The following LANCL2 variants were observed in gnomAD, a reference collection of about 807,000 sequenced individuals.
LANCL2 encodes the protein lanC-like protein 2.
Under a neutral mutation model 56.9 loss-of-function variants are expected in LANCL2, and 33 were observed. The ratio of observed to expected loss-of-function variants is 0.58; its 90% CI spans 0.44 to 0.78. LANCL2 has a LOEUF of 0.78. LANCL2 is among the 30% of genes least tolerant of loss of function. The pLI is 0.00. For missense variants in LANCL2, 562 were observed against 580.2 expected (o/e 0.97, Z 0.32); for synonymous variants, 233 against 228.2 (o/e 1.02, Z -0.19).
intron 2 of LANCL2, chr7:55,397,048 A>G (rs146344266): frequency 6.6e-6 from 1 of 152,312 alleles, no homozygotes; most frequent in East Asian, 1.9e-4. Context: ...CAACATCTTT[A>G]AAGAAATGGA....
chr7:55,420,694 A>G (rs1343316678), intron 6 of LANCL2, among the ~76,000 whole-genome samples: 2 of 152,266 alleles, frequency 1.3e-5, no homozygotes, highest in East Asian at 3.8e-4. Context: ...GCACAAAAGC[A>G]GCCACAGCCA....
intron 5 of LANCL2, among the ~76,000 whole-genome samples, chr7:55,401,878 G>C (rs59774424): frequency 0.36 from 42,236 of 116,062 alleles, 6,971 homozygotes; most frequent in East Asian, 0.52. Flanking sequence ...AGATCAACAG[G>C]ATCCCAAGGC....
intron 1 of LANCL2, among the ~76,000 whole-genome samples, chr7:55,386,365 T>A (rs892267257): frequency 6.6e-6 from 1 of 152,194 alleles, no homozygotes; most frequent in African/African-American, 2.4e-5. Context: ...AAATGTCCAT[T>A]AAATCTTCAC....
intron 1 of LANCL2, among the ~76,000 whole-genome samples, chr7:55,386,442 A>G (rs1790127135): frequency 6.6e-6 from 1 of 152,204 alleles, no homozygotes; most frequent in Non-Finnish European, 1.5e-5. Flanking sequence ...TTCCCGCAAC[A>G]TGACTGTATG....
At chr7:55,399,214 G>A (rs543155261) in intron 3 of LANCL2, among the ~76,000 whole-genome samples, 12 of 151,762 alleles carry the variant, frequency 7.9e-5, no homozygotes, top group Non-Finnish European at 1.5e-4. Flanking sequence ...TCAAGGCTGC[G>A]GTGAGCCATC....
At chr7:55,405,727 G>A (rs533046626) in intron 5 of LANCL2, among the ~76,000 whole-genome samples, 1 of 152,026 alleles carries the variant, frequency 6.6e-6, no homozygotes, top group African/African-American at 2.4e-5. Flanking sequence ...TGTCTTTCAT[G>A]TGTTTAGGCT....
At chr7:55,410,083 A>G (rs1398700541) in intron 5 of LANCL2, among the ~76,000 whole-genome samples, 3 of 152,246 alleles carry the variant, frequency 2.0e-5, no homozygotes, top group Non-Finnish European at 1.5e-5. Flanking sequence ...GGGCACAGCC[A>G]TGCATGGATT....
intron 5 of LANCL2, among the ~76,000 whole-genome samples, chr7:55,410,681 A>G (rs150192683): frequency 2.0e-5 from 3 of 152,342 alleles, no homozygotes; most frequent in Non-Finnish European, 4.4e-5. Context: ...ATGTGGTGCT[A>G]ACATGTCACT....
intron 1 of LANCL2, among the ~76,000 whole-genome samples, chr7:55,389,779 A>G (rs544544620): frequency 6.6e-6 from 1 of 152,336 alleles, no homozygotes; most frequent in South Asian, 2.1e-4. Context: ...GTGCTTTTTT[A>G]TAAAAGGGGA....
rs568407838 is a variant in LANCL2 at position 55,390,106 on chromosome 7, T to C, written c.205-1687T>C. Reference sequence around the variant, plus strand: ...TAATTGTGCAGAAACCTAAAAGTATTTTCTTTACAATCTCACGGAAGAACA... The same window carrying C: ...TAATTGTGCAGAAACCTAAAAGTATCTTCTTTACAATCTCACGGAAGAACA... On this transcript the variant is annotated intron_variant, in intron 1 of 8. Coordinates refer to ENST00000254770, the MANE Select transcript of LANCL2 (RefSeq NM_018697.4). 1.3e-3 allele frequency among the ~76,000 whole-genome samples: 200 copies of C among 152,332 alleles called. 2 individuals carry two copies. Among genetic ancestry groups the C allele is most frequent in the Non-Finnish European group, 1.8e-3 (125 of 68,040 alleles).
intron 5 of LANCL2, among the ~76,000 whole-genome samples, chr7:55,404,310 T>C (rs541584450): frequency 7.9e-5 from 12 of 152,238 alleles, no homozygotes; most frequent in African/African-American, 2.2e-4. Context: ...TCCTCCTCCT[T>C]CTTTCTTCTT....
chr7:55,402,242 C>T (rs1317925458), intron 5 of LANCL2, among the ~76,000 whole-genome samples: 32 of 134,284 alleles, frequency 2.4e-4, no homozygotes, highest in African/African-American at 6.7e-4. Flanking sequence ...GCTGGCCGGG[C>T]GGGGGGCTGA....
chr7:55,408,871 A>G (rs1231738265), intron 5 of LANCL2, among the ~76,000 whole-genome samples: 4 of 132,808 alleles, frequency 3.0e-5, no homozygotes, highest in African/African-American at 1.1e-4. Context: ...AGTCCCAGCT[A>G]CTCGGGAGGC....
At chr7:55,396,117 G>A (rs1314413063) in intron 2 of LANCL2, among the ~76,000 whole-genome samples, 1 of 152,220 alleles carries the variant, frequency 6.6e-6, no homozygotes, top group African/African-American at 2.4e-5. Context: ...GCAGTTTGTT[G>A]TTGACCTAAA....
In LANCL2 at chr7:55,398,546, G is replaced by T. The variant is rs568275084; in HGVS notation, c.446G>T (p.Cys149Phe). The T allele has an allele frequency of 3.1e-6, 5 of 1,614,210 alleles. No individual in the cohort carries two copies. The highest frequency in any genetic ancestry group is 2.2e-5 in the South Asian group (2 of 91,084). The change falls in exon 3 of 9, where the codon TGT (cysteine) becomes TTT (phenylalanine). Residue 149 changes from cysteine (C) to phenylalanine (F), a missense_variant. Transcript: ENST00000254770. ...NLNGRRVTFL[C>F]GDAGPLAVGA... ...AATGGCCGCAGGGTCACCTTCCTCT[G>T]TGGGGATGCTGGCCCCCTGGCTGTT... is the stretch of plus-strand genomic sequence containing the variant.
chr7:55,428,475 A>G, intron 8 of LANCL2, 28 bp downstream of exon 8: 1 of 1,599,308 alleles, frequency 6.3e-7, no homozygotes, highest in Non-Finnish European at 8.6e-7. Flanking sequence ...GCTATAGATT[A>G]AATGTTTGGG....
intron 1 of LANCL2, 78 bp downstream of exon 1, chr7:55,366,307 C>T (rs765895707): frequency 1.0e-5 from 13 of 1,264,836 alleles, no homozygotes; most frequent in Admixed American, 6.6e-5. Context: ...CCAGGCGTGA[C>T]GTCACAGGCG....
chr7:55,412,016 A>G lies in LANCL2; in HGVS notation c.935A>G (p.Asn312Ser), dbSNP rs139929497. Reference protein sequence around the residue: ...RSGNYPSSLSNETDRLVHWCH... With the variant: ...RSGNYPSSLSSETDRLVHWCH... ...GGGAATTACCCATCATCATTAAGCA[A>G]TGAAACAGACCGGCTGGTGCACTGG... Residue 312 changes from asparagine (N) to serine (S), a missense_variant, in exon 6 of 9, where the codon AAT (asparagine) becomes AGT (serine). Physicochemically the swap from Asn to Ser is conservative, Grantham distance 46. Around this residue, in one of 2 missense-constraint regions of LANCL2, gnomAD observed 378 missense variants for 468.4 expected, o/e 0.81. Transcript: ENST00000254770. 2.3e-5 allele frequency: 37 copies of G among 1,614,252 alleles called. No individual in the cohort carries two copies. The highest frequency in any genetic ancestry group is 2.2e-4 in the Admixed American group (13 of 60,022).
At chr7:55,375,580 G>A (rs1789991547) in intron 1 of LANCL2, among the ~76,000 whole-genome samples, 1 of 152,178 alleles carries the variant, frequency 6.6e-6, no homozygotes, top group African/African-American at 2.4e-5. Flanking sequence ...TAAGAAAGTT[G>A]TATTTTTCCG....
Sources: gnomAD v4.1 joint callset for allele counts (sites outside exome capture counted in the v4.1 genomes callset) on GRCh38, gnomAD v4.1.1 for gene constraint, gnomAD v4.1.1 regional missense constraint, MANE v1.5 for transcripts, NCBI Gene and HGNC (gene_info 2026-07-23, HGNC 2026-07-21) for gene names.